Variants in PCBP2 observed in about 807,000 individuals in gnomAD.
The protein encoded by PCBP2 is poly(rC)-binding protein 2.
Under a neutral mutation model 50.1 loss-of-function variants are expected in PCBP2, and 4 were observed. The ratio of observed to expected loss-of-function variants is 0.08; its 90% CI spans 0.04 to 0.18. PCBP2 has a LOEUF of 0.18. PCBP2 is among the 10% of genes least tolerant of loss of function. The pLI is 1.00. For synonymous variants in PCBP2, 179 were observed against 168.0 expected (o/e 1.07, Z -0.51); for missense variants, 161 against 474.3 (o/e 0.34, Z 6.14).
rs1344925295 is a variant in PCBP2 at position 53,463,683 on chromosome 12, A to AG, written c.580-1074dup. On this transcript the variant is annotated intron_variant, in intron 8 of 14. Transcript: ENST00000546463. ...AGGACTAATCTCCCACCAATAACGT[A>AG]GGGACACCTAGGGACAACTGCATTG... Among the ~76,000 whole-genome samples, 5 of 152,298 alleles carry AG rather than the reference A, an allele frequency of 3.3e-5. No individual in the cohort carries two copies. The East Asian group carries it at 9.6e-4, about 29-fold the overall frequency.
intron 8 of PCBP2, among the ~76,000 whole-genome samples, chr12:53,464,277 A>G (rs1013863893): frequency 7.0e-6 from 1 of 143,722 alleles, no homozygotes; most frequent in African/African-American, 2.6e-5. Context: ...TCCCCATCAC[A>G]CCTCCCCCTT....
chr12:53,475,018 C>T, intron 14 of PCBP2: 1 of 456,588 alleles, frequency 2.2e-6, no homozygotes, highest in Non-Finnish European at 4.4e-6. Flanking sequence ...TCCGACGCAC[C>T]CTCCAGCCTC....
rs776329515 is a variant in PCBP2, at chr12:53,462,493, TC to T, written c.512del (p.Pro171ArgfsTer4). The T allele has an allele frequency of 5.6e-6, 9 of 1,607,324 alleles. No homozygotes were observed. Among genetic ancestry groups the T allele is most frequent in the Admixed American group, 1.7e-5 (1 of 59,644 alleles). On this transcript the variant is annotated frameshift_variant and splice_region_variant, in exon 8 of 15. Transcript: ENST00000546463. LOFTEE classifies it high-confidence loss of function. ...TTTTTCCCCTCTGACTCTCTCCCAG[TC>T]CCCCCCGAAGGGCGTGACCATCCCG... ...VKQICVVMLE[S>X]PPKGVTIPYR...
intron 13 of PCBP2, 85 bp downstream of exon 13, chr12:53,468,917 C>CTTTTTTTTTTT (rs5798266): frequency 5.7e-5 from 33 of 574,574 alleles, no homozygotes; most frequent in African/African-American, 5.7e-4. Context: ...TCCTGCTACC[C>CTTTTTTTTTTT]TTTTTTTTTT....
At chr12:53,459,905 C>T (rs1451089529) in intron 6 of PCBP2, 1 of 452,618 alleles carries the variant, frequency 2.2e-6, no homozygotes, top group South Asian at 1.6e-5. Flanking sequence ...GGACTGCAGG[C>T]TCCCACCACC....
intron 7 of PCBP2, 148 bp downstream of exon 7, chr12:53,461,291 C>T (rs1941427685): frequency 1.2e-6 from 1 of 827,328 alleles, no homozygotes; most frequent in South Asian, 1.8e-5. Context: ...TTCATATTTT[C>T]CTTCCCCTAG....
chr12:53,478,076 C>A (rs140432245), intron 14 of PCBP2, among the ~76,000 whole-genome samples: 1 of 152,194 alleles, frequency 6.6e-6, no homozygotes, highest in East Asian at 1.9e-4. Flanking sequence ...ATGACTATCT[C>A]TTTGAAACAG....
intron 14 of PCBP2, among the ~76,000 whole-genome samples, chr12:53,478,788 A>G (rs904056819): frequency 2.6e-5 from 4 of 151,584 alleles, no homozygotes; most frequent in African/African-American, 9.7e-5. Flanking sequence ...CCTGGGTGAC[A>G]GAGCTAGACT....
chr12:53,459,441 A>C (rs758216081), intron 6 of PCBP2, 38 bp downstream of exon 6: 4 of 1,580,354 alleles, frequency 2.5e-6, no homozygotes, highest in African/African-American at 2.7e-5. Context: ...AATGTTAACT[A>C]TTTGTTCCAA....
intron 6 of PCBP2, chr12:53,460,452 T>C (rs1592647733): frequency 3.6e-6 from 1 of 276,048 alleles, no homozygotes; most frequent in African/African-American, 2.3e-5. Flanking sequence ...GGCCCCTACT[T>C]CCTGTTTAAC....
chr12:53,455,212 T>C (rs1940908080), intron 2 of PCBP2, 135 bp from the exon 3 acceptor site: 2 of 799,428 alleles, frequency 2.5e-6, no homozygotes, highest in East Asian at 5.4e-5. Flanking sequence ...TAGCAGTCTG[T>C]TGGCTAGACA....
At chr12:53,462,667 A>G (rs912848396) in intron 8 of PCBP2, 100 bp downstream of exon 8, 1 of 853,050 alleles carries the variant, frequency 1.2e-6, no homozygotes, top group Non-Finnish European at 1.8e-6. Context: ...GCTTGCTGAA[A>G]CCTATACTCT....
At chr12:53,477,690 A>AAAAAC (rs1565876309) in intron 14 of PCBP2, among the ~76,000 whole-genome samples, 10 of 149,966 alleles carry the variant, frequency 6.7e-5, no homozygotes, top group African/African-American at 2.5e-4. Flanking sequence ...AAAAAAAAAA[A>AAAAAC]AAAACCCTAA....
intron 8 of PCBP2, 62 bp downstream of exon 8, chr12:53,462,629 G>A: frequency 7.1e-7 from 1 of 1,409,548 alleles, no homozygotes; most frequent in East Asian, 2.3e-5. Context: ...TGTCAACTTT[G>A]CCAGCATCAC....
chr12:53,458,036 C>G (rs970779503), intron 5 of PCBP2, among the ~76,000 whole-genome samples: 1 of 152,016 alleles, frequency 6.6e-6, no homozygotes, highest in Non-Finnish European at 1.5e-5. Context: ...TCAAGCGATT[C>G]TCCTGCCTCG....
intron 6 of PCBP2, among the ~76,000 whole-genome samples, chr12:53,459,638 A>T (rs897948986): frequency 7.9e-5 from 12 of 152,168 alleles, no homozygotes; most frequent in Admixed American, 2.6e-4. Flanking sequence ...CAACTATTAC[A>T]TATGACAAGT....
intron 1 of PCBP2, chr12:53,452,887 C>G (rs1439907972): frequency 6.6e-6 from 1 of 151,760 alleles, no homozygotes. Context: ...GTGGAAAATG[C>G]TTGGATAACC....
At position 53,471,667 on chromosome 12, in the gene PCBP2, C is replaced by G. The variant is rs749017140; in HGVS notation, c.912C>G (p.Gly304=). 5 of 1,612,988 alleles carry G rather than the reference C, an allele frequency of 3.1e-6. No individual in the cohort carries two copies. The highest frequency in any genetic ancestry group is 1.3e-5 in the African/African-American group (1 of 74,824). The change falls in exon 14 of 15, where the codon GGC becomes GGG. Residue 304 remains glycine (G), a synonymous_variant. Coordinates refer to ENST00000546463, the MANE Select transcript of PCBP2 (RefSeq NM_031989.5). ...TTGGCTGCATAATCGGGCGTCAAGG[C>G]GCCAAAATCAATGAGATCCGTCAGA... The part of the protein sequence containing the change: ...DLIGCIIGRQ[G]AKINEIRQMS...
intron 13 of PCBP2, 148 bp from the exon 14 acceptor site, chr12:53,471,490 A>T: frequency 1.5e-6 from 1 of 657,572 alleles, no homozygotes; most frequent in South Asian, 2.1e-5. Context: ...GCTCAAATCC[A>T]GGAGGCTGAG....
Sources: allele counts gnomAD v4.1 joint callset (sites outside exome capture counted in the v4.1 genomes callset), GRCh38; gene constraint gnomAD v4.1.1; transcripts MANE v1.5; gene names NCBI Gene and HGNC (gene_info 2026-07-23, HGNC 2026-07-21).